The following CELF2 variants were observed in gnomAD, a reference collection of about 807,000 sequenced individuals.
CELF2 encodes CUGBP Elav-like family member 2.
Under a neutral mutation model 62.6 loss-of-function variants are expected in CELF2, and 8 were observed. The ratio of observed to expected loss-of-function variants is 0.13; its 90% CI spans 0.07 to 0.23. CELF2 has a LOEUF of 0.23. CELF2 is among the 10% of genes least tolerant of loss of function. The pLI is 1.00. For synonymous variants in CELF2, 258 were observed against 250.0 expected, an observed-to-expected ratio of 1.03 and a Z score of -0.30; for missense variants, 333 against 671.0, an observed-to-expected ratio of 0.50 and a Z score of 5.56.
intron 9 of CELF2, among the ~76,000 whole-genome samples, chr10:11,298,470 A>G (rs1190341180): frequency 7.9e-5 from 12 of 152,254 alleles, no homozygotes; most frequent in Non-Finnish European, 1.2e-4. Flanking sequence ...GAATTGATAT[A>G]TCTGGGGCTA....
chr10:10,559,284 T>A, the CELF2 span, among the ~76,000 whole-genome samples: 1 of 152,200 alleles, frequency 6.6e-6, no homozygotes, highest in Non-Finnish European at 1.5e-5. Context: ...AATCATAAAG[T>A]GTTGCAAAAT....
At chr10:11,095,328 GTGGTAGC>G (rs2049506159) in intron 1 of CELF2, among the ~76,000 whole-genome samples, 1 of 152,212 alleles carries the variant, frequency 6.6e-6, no homozygotes, top group African/African-American at 2.4e-5. Flanking sequence ...TGGAAGTAGT[GTGGTAGC>G]TGGCGGTTGT....
intron 2 of CELF2, among the ~76,000 whole-genome samples, chr10:10,977,860 GC>G (rs2051534856): frequency 6.6e-6 from 1 of 152,128 alleles, no homozygotes; most frequent in East Asian, 1.9e-4. Context: ...AGTAAAAGGG[GC>G]ATCTTGATTG....
At chr10:10,707,313 C>A in the CELF2 span, among the ~76,000 whole-genome samples, 161 of 152,256 alleles carry the variant, frequency 1.1e-3, no homozygotes, top group South Asian at 2.1e-3. Flanking sequence ...TAAATATCAG[C>A]AAAATCCTGG....
the CELF2 span, among the ~76,000 whole-genome samples, chr10:10,614,514 T>C: frequency 3.9e-5 from 6 of 152,144 alleles, no homozygotes; most frequent in Non-Finnish European, 5.9e-5. Context: ...ACTAAAGTTG[T>C]AAAATTCCAC....
At chr10:10,824,748 T>A (rs1168790272) in intron 1 of CELF2, among the ~76,000 whole-genome samples, 4 of 152,260 alleles carry the variant, frequency 2.6e-5, no homozygotes, top group Admixed American at 6.5e-5. Flanking sequence ...AGCTCAGATA[T>A]GCGCTTGCAC....
chr10:10,610,182 G>A, the CELF2 span, among the ~76,000 whole-genome samples: 19 of 152,144 alleles, frequency 1.2e-4, no homozygotes, highest in Non-Finnish European at 2.5e-4. Context: ...CTTTTCTTCA[G>A]TCAGTTAAAT....
the CELF2 span, among the ~76,000 whole-genome samples, chr10:10,523,501 TG>T: frequency 1.3e-5 from 2 of 152,296 alleles, no homozygotes; most frequent in Non-Finnish European, 2.9e-5. Flanking sequence ...ACATTATGAC[TG>T]GGGAGGTGGT....
At chr10:10,476,163 C>T in the CELF2 span, among the ~76,000 whole-genome samples, 7 of 152,056 alleles carry the variant, frequency 4.6e-5, no homozygotes, top group East Asian at 9.7e-4. Flanking sequence ...ATAATTTCAA[C>T]GTGTTTCAGT....
intron 9 of CELF2, among the ~76,000 whole-genome samples, chr10:11,310,687 G>A (rs141994733): frequency 1.1e-4 from 16 of 151,730 alleles, no homozygotes; most frequent in Middle Eastern, 3.4e-3. Flanking sequence ...ACTTACTAGC[G>A]CAGCAATCTG....
At chr10:10,970,825 T>C (rs1264222853) in intron 2 of CELF2, 1 of 152,174 alleles carries the variant, frequency 6.6e-6, no homozygotes, top group Non-Finnish European at 1.5e-5. Flanking sequence ...AAGTAGACTG[T>C]GTGTTTCATT....
intron 5 of CELF2, 111 bp from the exon 6 acceptor site, chr10:11,266,487 C>T: frequency 1.4e-6 from 1 of 709,534 alleles, no homozygotes; most frequent in Non-Finnish European, 2.5e-6. Context: ...CTACTGAGAA[C>T]AGTGTCGTCT....
intron 1 of CELF2, among the ~76,000 whole-genome samples, chr10:11,056,175 A>G (rs190795593): frequency 3.0e-4 from 46 of 152,358 alleles, no homozygotes; most frequent in African/African-American, 1.1e-3. Context: ...ATATTCCACA[A>G]TTCTATAAAG....
intron 1 of CELF2, among the ~76,000 whole-genome samples, chr10:11,141,958 T>G (rs1351104807): frequency 2.6e-5 from 4 of 152,248 alleles, no homozygotes; most frequent in Admixed American, 2.6e-4. Context: ...AGTCATGTCC[T>G]GTAGCCCTCT....
At chr10:10,812,257 G>T (rs1323248271) in intron 1 of CELF2, among the ~76,000 whole-genome samples, 5 of 152,076 alleles carry the variant, frequency 3.3e-5, no homozygotes, top group Admixed American at 1.3e-4. Context: ...AAGCAAAAGG[G>T]GAAACCCCTT....
intron 1 of CELF2, among the ~76,000 whole-genome samples, chr10:11,158,318 C>T (rs898622056): frequency 6.6e-6 from 1 of 152,134 alleles, no homozygotes; most frequent in Non-Finnish European, 1.5e-5. Context: ...TGAGCTCAGC[C>T]GCAGGAGAGA....
At chr10:10,799,916 T>C (rs2054486030) in intron 1 of CELF2, among the ~76,000 whole-genome samples, 1 of 152,222 alleles carries the variant, frequency 6.6e-6, no homozygotes, top group Non-Finnish European at 1.5e-5. Context: ...CACAGTGTCA[T>C]GTCTTCCAAA....
the CELF2 span, among the ~76,000 whole-genome samples, chr10:10,718,497 A>C: frequency 5.9e-5 from 9 of 151,778 alleles, no homozygotes; most frequent in African/African-American, 1.7e-4. Context: ...GGTGGCGGGC[A>C]CCTGTGATTC....
chr10:10,767,082 C>T, the CELF2 span, among the ~76,000 whole-genome samples: 1 of 152,144 alleles, frequency 6.6e-6, no homozygotes, highest in Admixed American at 6.5e-5. Context: ...TGGGGCTATG[C>T]TGGAGCTGAA....
Sources: allele counts gnomAD v4.1 joint callset (sites outside exome capture counted in the v4.1 genomes callset), GRCh38; gene constraint gnomAD v4.1.1; transcripts MANE v1.5; gene names NCBI Gene and HGNC (gene_info 2026-07-23, HGNC 2026-07-21).